The following PRKAG2 variants were observed in gnomAD, a reference collection of about 807,000 sequenced individuals.
PRKAG2 encodes the protein protein kinase AMP-activated non-catalytic subunit gamma 2.
A neutral mutation model predicts 69.6 loss-of-function variants in PRKAG2; 26 were observed. The ratio of observed to expected loss-of-function variants is 0.37; its 90% CI spans 0.27 to 0.52. The LOEUF (loss-of-function observed/expected upper bound fraction) is 0.52, where lower values mean the gene tolerates loss of function less well. Ranked by LOEUF, PRKAG2 falls within the 20% of genes least tolerant of loss-of-function variation. PRKAG2 has a pLI of 0.90. For missense variants in PRKAG2, 557 were observed against 740.0 expected (o/e 0.75, Z 2.87); for synonymous variants, 293 against 285.0 (o/e 1.03, Z -0.28).
At chr7:151,833,331 C>T (rs186657158) in intron 1 of PRKAG2, among the ~76,000 whole-genome samples, 245 of 152,166 alleles carry the variant, frequency 1.6e-3, no homozygotes, top group African/African-American at 5.7e-3. Flanking sequence ...GAGTGTGCAG[C>T]GGGAAGGGTT....
chr7:151,722,997 C>T (rs745483734), intron 3 of PRKAG2, among the ~76,000 whole-genome samples: 1 of 152,120 alleles, frequency 6.6e-6, no homozygotes, highest in Non-Finnish European at 1.5e-5. Context: ...ACAGGAAAGA[C>T]ATCCCCTGCA....
rs150511414 is a variant in PRKAG2 at position 151,557,645 on chromosome 7, G to A, written c.1679-413C>T. The A allele has an allele frequency of 1.8e-3, 1,343 of 756,164 alleles. 14 individuals are homozygous for A. The African/African-American group carries it at 0.022, about 12-fold the overall frequency. The allele number at this position is 756,164 out of a possible 1,614,324, so 46.8% of individuals were successfully genotyped here. On this transcript the variant is annotated intron_variant, in intron 15 of 15. Transcript: ENST00000287878. ...AGCACTTTGGGAGGCCGAGGCGGGC[G>A]GATCACCTGAGATCAGGAGTTCAAG...
chr7:151,572,712 G>A lies in PRKAG2; in HGVS notation c.1006-3C>T, dbSNP rs1382379843. ...TCCTCTAATTCATAAATCTGTACCTGCAAATAAAAAAATTCTTATTTATAA... is the reference window on the plus strand; with the variant it reads ...TCCTCTAATTCATAAATCTGTACCTACAAATAAAAAAATTCTTATTTATAA... On this transcript the variant is annotated splice_region_variant and splice_polypyrimidine_tract_variant and intron_variant, in intron 8 of 15. Transcript: ENST00000287878. The A allele has an allele frequency of 1.3e-6, 2 of 1,565,304 alleles. No individual in the cohort carries two copies. Among genetic ancestry groups the A allele is most frequent in the South Asian group, 1.2e-5 (1 of 86,792 alleles).
chr7:151,876,355 G>A, intron 1 of PRKAG2, 152 bp downstream of exon 1: 2 of 742,958 alleles, frequency 2.7e-6, no homozygotes, highest in Non-Finnish European at 4.5e-6. Flanking sequence ...AGCCCAGCTC[G>A]GGCCCTGTCC....
At chr7:151,693,211 C>T (rs1183111508) in intron 3 of PRKAG2, among the ~76,000 whole-genome samples, 4 of 152,198 alleles carry the variant, frequency 2.6e-5, no homozygotes, top group South Asian at 4.1e-4. Flanking sequence ...GGCACAGGTC[C>T]GAACATGCAG....
Position 151,832,263 on chromosome 7 carries a change from GGAAGGGAGGAGGGAA to G in PRKAG2, c.114+44229_114+44243del, listed in dbSNP as rs1341312718. Among the ~76,000 whole-genome samples the G allele has an allele frequency of 2.1e-3, 267 of 128,354 alleles. 1 individual carries two copies. Among genetic ancestry groups the G allele is most frequent in the African/African-American group, 8.9e-3 (234 of 26,344 alleles). The allele number at this position is 128,354 out of a possible 152,430, so 84.2% of individuals were successfully genotyped here. ...AGGAGGGAAGGAAGGGAGGAGGGAA[GGAAGGGAGGAGGGAA>G]GGAAGGGAGGAGGGAGGGAATAAAT... On this transcript the variant is annotated intron_variant, in intron 1 of 15. Transcript: ENST00000287878.
At position 151,872,294 on chromosome 7, in the gene PRKAG2, G is replaced by A. The variant is rs117722400; in HGVS notation, c.114+4213C>T. Among the ~76,000 whole-genome samples the A allele has an allele frequency of 4.6e-3, 697 of 152,302 alleles. 40 individuals carry two copies. In the East Asian group the frequency reaches 0.11, roughly 25 times the overall value. On this transcript the variant is annotated intron_variant, in intron 1 of 15. Coordinates refer to ENST00000287878, the MANE Select transcript of PRKAG2 (RefSeq NM_016203.4). Reference sequence around the variant, plus strand: ...CCTCGGACCCTTACCCTGGGGGGGGGCTTTTGCCAAAGTACTTGAGTTGGT... The same window carrying A: ...CCTCGGACCCTTACCCTGGGGGGGGACTTTTGCCAAAGTACTTGAGTTGGT...
At chr7:151,782,530 A>G (rs1413769563) in intron 2 of PRKAG2, among the ~76,000 whole-genome samples, 1 of 152,238 alleles carries the variant, frequency 6.6e-6, no homozygotes, top group Non-Finnish European at 1.5e-5. Flanking sequence ...ATCAGACCCC[A>G]TAACTTTAAG....
intron 1 of PRKAG2, among the ~76,000 whole-genome samples, chr7:151,820,600 C>T (rs543482203): frequency 2.5e-5 from 1 of 40,548 alleles, no homozygotes; most frequent in Non-Finnish European, 6.1e-5. Flanking sequence ...CTCGGAACAC[C>T]GCTCCGTGGC....
intron 3 of PRKAG2, among the ~76,000 whole-genome samples, chr7:151,754,689 CT>C (rs1201119216): frequency 6.6e-6 from 1 of 150,758 alleles, no homozygotes; most frequent in Non-Finnish European, 1.5e-5. Context: ...CATATAGTCC[CT>C]GTTCTCCCGC....
At chr7:151,752,864 G>C (rs1315633423) in intron 3 of PRKAG2, among the ~76,000 whole-genome samples, 1 of 152,250 alleles carries the variant, frequency 6.6e-6, no homozygotes, top group Non-Finnish European at 1.5e-5. Flanking sequence ...AGCCCTGACT[G>C]GTGACAAGGG....
At chr7:151,870,552 C>T (rs1274164335) in intron 1 of PRKAG2, among the ~76,000 whole-genome samples, 1 of 152,248 alleles carries the variant, frequency 6.6e-6, no homozygotes, top group Non-Finnish European at 1.5e-5. Context: ...CATCCCCCTT[C>T]CCTTTGCGGA....
rs548576395 is a variant in PRKAG2 at position 151,562,739 on chromosome 7, G to A, written c.1584+1339C>T. 9.6e-4 allele frequency among the ~76,000 whole-genome samples: 146 copies of A among 152,112 alleles called. 1 individual carries two copies. The highest frequency in any genetic ancestry group is 1.6e-3 in the Non-Finnish European group (112 of 67,990). ...TCCCAGCACTTTGGGAGGCCGAGGC[G>A]GGCAGATCACGAGGTCAGGAGATCG... On this transcript the variant is annotated intron_variant, in intron 14 of 15. Transcript: ENST00000287878.
intron 1 of PRKAG2, among the ~76,000 whole-genome samples, chr7:151,798,303 GTTT>G (rs1250859070): frequency 6.6e-6 from 1 of 151,862 alleles, no homozygotes; most frequent in Non-Finnish European, 1.5e-5. Context: ...TGTCCGGCCT[GTTT>G]TTTTGTTTGT....
At chr7:151,700,813 G>A (rs949277205) in intron 3 of PRKAG2, among the ~76,000 whole-genome samples, 2 of 152,130 alleles carry the variant, frequency 1.3e-5, no homozygotes, top group Non-Finnish European at 2.9e-5. Flanking sequence ...CTCCACACGG[G>A]GGGAGCCTGG....
rs1445739745 is a variant in PRKAG2 at position 151,850,397 on chromosome 7, TAGAA to T, written c.114+26106_114+26109del. The stretch of plus-strand genomic sequence containing the variant: ...CAGCTAATAGGTTATTTCCTCATCT[TAGAA>T]AGGAAGAAATGAACAGGAGGCAGAA... On this transcript the variant is annotated intron_variant, in intron 1 of 15. Transcript: ENST00000287878. This position sits in a 1 kb window ranked among gnomAD's most constrained non-coding sequence, Gnocchi z 4.1. Among the ~76,000 whole-genome samples the T allele has an allele frequency of 2.6e-5, 4 of 152,216 alleles. No individual in the cohort carries two copies. The highest frequency in any genetic ancestry group is 7.2e-5 in the African/African-American group (3 of 41,462).
intron 3 of PRKAG2, among the ~76,000 whole-genome samples, chr7:151,774,679 C>G (rs1158901996): frequency 6.6e-6 from 1 of 152,004 alleles, no homozygotes; most frequent in Non-Finnish European, 1.5e-5. Context: ...TGGTGGCGGG[C>G]GCCTGTAATC....
At chr7:151,580,648 T>C (rs1810196741) in intron 6 of PRKAG2, among the ~76,000 whole-genome samples, 1 of 152,162 alleles carries the variant, frequency 6.6e-6, no homozygotes, top group Non-Finnish European at 1.5e-5. Flanking sequence ...AAAGATGCTA[T>C]GTAATCTGTA....
At position 151,675,501 on chromosome 7, in the gene PRKAG2, C is replaced by A. The variant is rs1297246648; in HGVS notation, c.603G>T (p.Gly201=). ...GGAAGGAAGACGGGCAGAACCTCTG[C>A]CCTGTGTCCGGGGGGGAAGACGAGG... is the stretch of plus-strand genomic sequence containing the variant. ...IYASSSPPDT[G]QRFCPSSFQS... is the part of the protein sequence containing the mutation. Residue 201 remains glycine (G), a synonymous_variant, in exon 4 of 16, where the codon GGG becomes GGT. Coordinates refer to ENST00000287878, the MANE Select transcript of PRKAG2 (RefSeq NM_016203.4). The A allele has an allele frequency of 6.2e-7, 1 of 1,614,216 alleles. No individual in the cohort carries two copies. Among genetic ancestry groups the A allele is most frequent in the Non-Finnish European group, 8.5e-7 (1 of 1,180,040 alleles).
Sources: allele counts gnomAD v4.1 joint callset (sites outside exome capture counted in the v4.1 genomes callset), GRCh38; gene constraint gnomAD v4.1.1; non-coding constraint Gnocchi (gnomAD v3.1); transcripts MANE v1.5; gene names NCBI Gene and HGNC (gene_info 2026-07-23, HGNC 2026-07-21).